Variants in NOTCH4 observed in about 807,000 individuals in gnomAD.
NOTCH4 encodes the protein notch receptor 4, also known as neurogenic locus notch homolog protein 4.
A neutral mutation model predicts 189.0 loss-of-function variants in NOTCH4; 138 were observed. The ratio of observed to expected loss-of-function variants is 0.73; its 90% CI spans 0.64 to 0.84. The LOEUF (loss-of-function observed/expected upper bound fraction) is 0.84. NOTCH4 is among the 40% of genes least tolerant of loss of function. The pLI, the probability that NOTCH4 is intolerant of heterozygous loss-of-function variation, is 0.00. For missense variants in NOTCH4, 2,286 were observed against 2,605.4 expected (o/e 0.88, Z 2.67); for synonymous variants, 942 against 1,032.8 (o/e 0.91, Z 1.69).
rs2127467817 is a variant in NOTCH4 at position 32,202,612 on chromosome 6, G to A, written c.3232-13C>T. On this transcript the variant is annotated splice_polypyrimidine_tract_variant and intron_variant, in intron 20 of 29. Transcript: ENST00000375023. The surrounding 1 kb of genome is among the most constrained non-coding windows in gnomAD (Gnocchi z 5.7). ...GGCCTTCAAAACCCTGTGGAGGGGA[G>A]GGGAGATATTGGAGATGCAACTTGC... 6.4e-7 allele frequency: 1 copy of A among 1,562,304 alleles called. No individual in the cohort carries two copies. Among genetic ancestry groups the A allele is most frequent in the Non-Finnish European group, 8.7e-7 (1 of 1,150,780 alleles).
rs774869868 is a variant in NOTCH4, at chr6:32,201,329, G to C, written c.3927C>G (p.Asp1309Glu). ...LLVVLSPPALDQQLFALARVL... is the reference protein window; with the variant it reads ...LLVVLSPPALEQQLFALARVL... ...CCCGGGCCAGGGCAAACAGCTGCTG[G>C]TCTAGGGCTGGGGGGCTCAGTACCA... Residue 1309 changes from aspartate to glutamate, a missense_variant, in exon 22 of 30, where the codon GAC (aspartate) becomes GAG (glutamate). Asp to Glu is a conservative substitution (Grantham distance 45, BLOSUM62 2). Around this residue, in one of 2 missense-constraint regions of NOTCH4, gnomAD observed 1,903 missense variants for 2,261.9 expected, o/e 0.84. Transcript: ENST00000375023. The surrounding 1 kb of genome is among the most constrained non-coding windows in gnomAD (Gnocchi z 5.5). The C allele has an allele frequency of 6.2e-7, 1 of 1,612,416 alleles. No individual in the cohort carries two copies. Among genetic ancestry groups the C allele is most frequent in the East Asian group, 2.2e-5 (1 of 44,880 alleles).
At position 32,221,034 on chromosome 6, in the gene NOTCH4, G is replaced by T; in HGVS notation, c.743C>A (p.Thr248Asn). Reference protein sequence around the residue: ...CPPRGCSNGGTCQLMPEKDST... With the variant: ...CPPRGCSNGGNCQLMPEKDST... ...GTCTTTCTCTGGCATCAGCTGGCAG[G>T]TGCCCCCATTCGAACAGCCCCTAGG... is the stretch of plus-strand genomic sequence containing the variant. The change falls in exon 4 of 30, where the codon ACC becomes AAC. Residue 248 changes from threonine to asparagine, a missense_variant. Physicochemically the swap from Thr to Asn is moderately conservative, Grantham distance 65. Coordinates refer to ENST00000375023, the MANE Select transcript of NOTCH4 (RefSeq NM_004557.4). This position sits in a 1 kb window ranked among gnomAD's most constrained non-coding sequence, Gnocchi z 4.3. 6.2e-7 allele frequency: 1 copy of T among 1,610,248 alleles called. No homozygotes were observed. Among genetic ancestry groups the T allele is most frequent in the Non-Finnish European group, 8.5e-7 (1 of 1,177,508 alleles).
In NOTCH4 at chr6:32,202,678, A is replaced by C; in HGVS notation, c.3232-79T>G. The C allele has an allele frequency of 7.4e-7, 1 of 1,347,858 alleles. No homozygotes were observed. The highest frequency in any genetic ancestry group is 9.9e-7 in the Non-Finnish European group (1 of 1,013,964). The allele number at this position is 1,347,858 out of a possible 1,614,324, so 83.5% of individuals were successfully genotyped here. The stretch of plus-strand genomic sequence containing the variant: ...CTCCATCAAGCAAACTCTTGGGTTA[A>C]GACGGTGCAGAGGGTCCTAGATTCT... On this transcript the variant is annotated intron_variant, in intron 20 of 29. Coordinates refer to ENST00000375023, the MANE Select transcript of NOTCH4 (RefSeq NM_004557.4). The surrounding 1 kb of genome is among the most constrained non-coding windows in gnomAD (Gnocchi z 5.7).
At position 32,217,854 on chromosome 6, in the gene NOTCH4, T is replaced by C; in HGVS notation, c.1624+141A>G. 3.2e-6 allele frequency: 2 copies of C among 624,676 alleles called. No homozygotes were observed. Among genetic ancestry groups the C allele is most frequent in the Non-Finnish European group, 5.8e-6 (2 of 344,050 alleles). 38.7% of individuals were successfully genotyped at this position (624,676 alleles called of 1,614,324 possible). The stretch of plus-strand genomic sequence containing the variant: ...ATTTGGGGATGTAAGAGTAGAGATT[T>C]TGGGGAGCAAAGACAGATTTGGAGG... On this transcript the variant is annotated intron_variant, in intron 9 of 29. Coordinates refer to ENST00000375023, the MANE Select transcript of NOTCH4 (RefSeq NM_004557.4). The surrounding 1 kb of genome is among the most constrained non-coding windows in gnomAD (Gnocchi z 4.2).
At position 32,222,807 on chromosome 6, in the gene NOTCH4, C is replaced by T; in HGVS notation, c.156-1G>A. 6.2e-7 allele frequency: 1 copy of T among 1,609,394 alleles called. No individual in the cohort carries two copies. The highest frequency in any genetic ancestry group is 8.5e-7 in the Non-Finnish European group (1 of 1,178,494). The stretch of plus-strand genomic sequence containing the variant: ...CTCACCCAGGAAGCCAGGGGCACAC[C>T]TGGGCAGGGGAGGAGAGGAAAACTC... On this transcript the variant is annotated splice_acceptor_variant, in intron 2 of 29. Coordinates refer to ENST00000375023, the MANE Select transcript of NOTCH4 (RefSeq NM_004557.4). LOFTEE classifies it high-confidence loss of function.
Position 32,221,329 on chromosome 6 carries a change from A to G in NOTCH4, c.452-4T>C. The G allele has an allele frequency of 6.2e-7, 1 of 1,609,514 alleles. No individual in the cohort carries two copies. The highest frequency in any genetic ancestry group is 2.2e-5 in the East Asian group (1 of 44,864). ...TCCCGAAGCTGGCACTGCTCACCTG[A>G]GGCAGAGGACAGAGGGAGCCGTTTC... is the stretch of plus-strand genomic sequence containing the variant. On this transcript the variant is annotated splice_polypyrimidine_tract_variant and splice_region_variant and intron_variant, in intron 3 of 29. Coordinates refer to ENST00000375023, the MANE Select transcript of NOTCH4 (RefSeq NM_004557.4). The surrounding 1 kb of genome is among the most constrained non-coding windows in gnomAD (Gnocchi z 4.3).
chr6:32,197,819 C>CTTTTT (rs9281668), intron 26 of NOTCH4, among the ~76,000 whole-genome samples: 3 of 132,992 alleles, frequency 2.3e-5, no homozygotes, highest in Non-Finnish European at 4.8e-5. Context: ...GTGGTTTTCT[C>CTTTTT]TTTTTTTTTT....
At chr6:32,218,216 C>T (rs780098688) in intron 8 of NOTCH4, 108 bp from the exon 9 acceptor site, 22 of 710,760 alleles carry the variant, frequency 3.1e-5, no homozygotes, top group Non-Finnish European at 4.5e-5. Context: ...GCGGTCCTCC[C>T]CCGAGGTGCT....
intron 12 of NOTCH4, 126 bp downstream of exon 12, chr6:32,215,100 T>C: frequency 1.1e-6 from 1 of 882,040 alleles, no homozygotes; most frequent in African/African-American, 1.7e-5. Flanking sequence ...CTAAGAACTT[T>C]GCCATCTCCT....
At position 32,220,769 on chromosome 6, in the gene NOTCH4, T is replaced by C; in HGVS notation, c.909A>G (p.Pro303=). 2 of 1,614,158 alleles carry C rather than the reference T, an allele frequency of 1.2e-6. No individual in the cohort carries two copies. Among genetic ancestry groups the C allele is most frequent in the Non-Finnish European group, 8.5e-7 (1 of 1,180,010 alleles). ...TAAACAACTCACCTGTCCAGGTTTCTGGGCAGAGGCAGGTGTAGGTGTCCA... is the reference window on the plus strand; with the variant it reads ...TAAACAACTCACCTGTCCAGGTTTCCGGGCAGAGGCAGGTGTAGGTGTCCA... ...DGLDTYTCLC[P]ETWTGWDCSE... Residue 303 remains proline, a synonymous_variant, in exon 5 of 30, where the codon CCA becomes CCG. Transcript: ENST00000375023.
In NOTCH4 at chr6:32,201,176, C is replaced by T. The variant is rs778807846; in HGVS notation, c.4080G>A (p.Gln1360=). ...GCTGCGTTTGAGGGGCTGCTCTCTC[C>T]TGATAGGTGGGGTCCCGAGTTCCTC... ...KLGGTRDPTY[Q]ERAAPQTQPL... The change falls in exon 22 of 30, where the codon CAG becomes CAA. Residue 1360 remains glutamine (Q), a synonymous_variant. Coordinates refer to ENST00000375023, the MANE Select transcript of NOTCH4 (RefSeq NM_004557.4). The surrounding 1 kb of genome is among the most constrained non-coding windows in gnomAD (Gnocchi z 5.5). The T allele has an allele frequency of 2.5e-6, 4 of 1,612,790 alleles. No homozygotes were observed. The highest frequency in any genetic ancestry group is 2.2e-5 in the South Asian group (2 of 91,092).
At position 32,212,839 on chromosome 6, in the gene NOTCH4, G is replaced by C. The variant is rs780986769; in HGVS notation, c.2511C>G (p.Thr837=). ...GPRCLCPTGY[T]GGSCQTLMDL... ...TGGCCCTCACCTGGCAGCTGCCTCC[G>C]GTGTAGCCAGTGGGGCAGAGGCAGC... Residue 837 remains threonine (T), a synonymous_variant, in exon 16 of 30, where the codon ACC becomes ACG. Transcript: ENST00000375023. This position sits in a 1 kb window ranked among gnomAD's most constrained non-coding sequence, Gnocchi z 4.4. 6.5e-7 allele frequency: 1 copy of C among 1,545,752 alleles called. No individual in the cohort carries two copies. Among genetic ancestry groups the C allele is most frequent in the South Asian group, 1.2e-5 (1 of 83,258 alleles).
Position 32,221,285 on chromosome 6 carries a change from T to A in NOTCH4, c.492A>T (p.Pro164=). Reference sequence around the variant, plus strand: ...CCAGACACACCCCTCCATTAACACATGGGTTGGCTGAACAGAAGTCCCGAA... The same window carrying A: ...CCAGACACACCCCTCCATTAACACAAGGGTTGGCTGAACAGAAGTCCCGAA... ...CQLRDFCSAN[P]CVNGGVCLAT... Residue 164 remains proline (P), a synonymous_variant, in exon 4 of 30, where the codon CCA becomes CCT. Coordinates refer to ENST00000375023, the MANE Select transcript of NOTCH4 (RefSeq NM_004557.4). This position sits in a 1 kb window ranked among gnomAD's most constrained non-coding sequence, Gnocchi z 4.3. 6.2e-7 allele frequency: 1 copy of A among 1,612,946 alleles called. No individual in the cohort carries two copies. The highest frequency in any genetic ancestry group is 8.5e-7 in the Non-Finnish European group (1 of 1,179,980).
intron 11 of NOTCH4, chr6:32,216,647 T>A (rs1789429065): frequency 1.9e-6 from 1 of 526,338 alleles, no homozygotes; most frequent in African/African-American, 1.9e-5. Context: ...TCTGGCATAG[T>A]AGGCAGTTGG....
chr6:32,211,030 G>T, intron 17 of NOTCH4, 94 bp from the exon 18 acceptor site: 3 of 1,187,946 alleles, frequency 2.5e-6, no homozygotes, highest in Non-Finnish European at 3.5e-6. Flanking sequence ...GGAGGCCGAG[G>T]CAGGTGGATC....
Position 32,198,845 on chromosome 6 carries a change from G to T in NOTCH4, c.4535+81C>A. Reference sequence around the variant, plus strand: ...TCCCCTATCTTTGACTTCTGCAATAGTATTTCTTATCTTTTCTGATTGTAA... The same window carrying T: ...TCCCCTATCTTTGACTTCTGCAATATTATTTCTTATCTTTTCTGATTGTAA... On this transcript the variant is annotated intron_variant, in intron 24 of 29. Transcript: ENST00000375023. This position sits in a 1 kb window ranked among gnomAD's most constrained non-coding sequence, Gnocchi z 5.5. 6.8e-7 allele frequency: 1 copy of T among 1,464,616 alleles called. No homozygotes were observed. The highest frequency in any genetic ancestry group is 9.2e-7 in the Non-Finnish European group (1 of 1,083,170). 90.7% of individuals were successfully genotyped at this position (1,464,616 alleles called of 1,614,324 possible).
chr6:32,220,466 C>T lies in NOTCH4; in HGVS notation c.1098G>A (p.Pro366=), dbSNP rs768872244. ...CCACCCGGTCAATGCAGGTGGATCC[C>T]GGGGCACAGGTGGCAGCAATACAGT... ...LDDCIAATCA[P]GSTCIDRVGS... is the part of the protein sequence containing the mutation. Residue 366 remains proline, a synonymous_variant, in exon 6 of 30, where the codon CCG becomes CCA. Transcript: ENST00000375023. 13 of 1,613,882 alleles carry T rather than the reference C, an allele frequency of 8.1e-6. No individual in the cohort carries two copies. Among genetic ancestry groups the T allele is most frequent in the Middle Eastern group, 1.6e-4 (1 of 6,062 alleles).
rs759879687 is a variant in NOTCH4, at chr6:32,199,135, G to C, written c.4326C>G (p.Ala1442=). 71 of 1,592,854 alleles carry C rather than the reference G, an allele frequency of 4.5e-5. No individual in the cohort carries two copies. Among genetic ancestry groups the C allele is most frequent in the Non-Finnish European group, 6.0e-5 (70 of 1,170,846 alleles). ...VHPHAGTAPP[A]NQLPWPVLCS... is the part of the protein sequence containing the mutation. ...ACAGCACAGGCCAGGGAAGCTGGTTGGCAGGGGGTGCTGGTGGGAGAGACA... is the reference window on the plus strand; with the variant it reads ...ACAGCACAGGCCAGGGAAGCTGGTTCGCAGGGGGTGCTGGTGGGAGAGACA... Residue 1442 remains alanine (A), a synonymous_variant, in exon 24 of 30, where the codon GCC becomes GCG. Transcript: ENST00000375023. This position sits in a 1 kb window ranked among gnomAD's most constrained non-coding sequence, Gnocchi z 4.9.
intron 8 of NOTCH4, among the ~76,000 whole-genome samples, chr6:32,218,968 T>A (rs1185023491): frequency 1.3e-5 from 2 of 152,214 alleles, no homozygotes; most frequent in Non-Finnish European, 2.9e-5. Flanking sequence ...AATAAGTAGA[T>A]GAGACAATGC....
Sources: gnomAD v4.1 joint callset for allele counts (sites outside exome capture counted in the v4.1 genomes callset) on GRCh38, gnomAD v4.1.1 for gene constraint, gnomAD v4.1.1 regional missense constraint, Gnocchi (gnomAD v3.1) non-coding constraint, MANE v1.5 for transcripts, NCBI Gene and HGNC (gene_info 2026-07-23, HGNC 2026-07-21) for gene names.